DGKB: variants seen among roughly 807,000 people sequenced by gnomAD.
The protein encoded by DGKB is 90 kDa diacylglycerol kinase.
DGKB carries 67 observed loss-of-function variants against 114.3 expected under a neutral mutation model. The ratio of observed to expected loss-of-function variants is 0.59; its 90% CI spans 0.48 to 0.72. DGKB has a LOEUF of 0.72. Among genes scored for constraint, DGKB ranks in the 30% least tolerant of loss-of-function variants. The pLI, the probability that DGKB is intolerant of heterozygous loss-of-function variation, is 0.00. For synonymous variants in DGKB, 398 were observed against 323.1 expected (o/e 1.23, Z -2.49); for missense variants, 907 against 975.2 (o/e 0.93, Z 0.93).
At chr7:14,847,269 C>A (rs1168165689) in intron 1 of DGKB, among the ~76,000 whole-genome samples, 1 of 133,086 alleles carries the variant, frequency 7.5e-6, no homozygotes, top group Non-Finnish European at 1.5e-5. Context: ...CCAGCCTGGG[C>A]GACAGAGCGA....
At chr7:14,757,559 C>T (rs1835067876) in intron 3 of DGKB, 96 bp downstream of exon 3, 1 of 698,702 alleles carries the variant, frequency 1.4e-6, no homozygotes, top group Non-Finnish European at 2.5e-6. Flanking sequence ...TATACATACA[C>T]ACACACACAC....
At chr7:14,588,775 A>C (rs62443559) in intron 17 of DGKB, among the ~76,000 whole-genome samples, 2,961 of 152,200 alleles carry the variant, frequency 0.019, 48 homozygotes, top group Non-Finnish European at 0.028. Flanking sequence ...GACTTTGTCC[A>C]TCTCTGCACT....
At chr7:14,969,163 T>G (rs1428626747) in intron 1 of DGKB, among the ~76,000 whole-genome samples, 16 of 152,320 alleles carry the variant, frequency 1.1e-4, no homozygotes. Flanking sequence ...TCAGTTTTTC[T>G]TAAGATTTCT....
At chr7:14,205,377 T>C (rs6970198) in intron 23 of DGKB, among the ~76,000 whole-genome samples, 71,017 of 151,438 alleles carry the variant, frequency 0.47, 19,426 homozygotes, top group African/African-American at 0.76. Flanking sequence ...ATCAGAATCT[T>C]TCCTATCTCT....
At chr7:14,485,300 G>GGT (rs60976022) in intron 20 of DGKB, among the ~76,000 whole-genome samples, 7,027 of 141,892 alleles carry the variant, frequency 0.05, 271 homozygotes, top group African/African-American at 0.11. Context: ...ATGCTCATGA[G>GGT]GTGTGTGTGT....
chr7:14,729,123 C>CTTTCTTTTTTTTTTTTTTTTTTTT (rs1463141725), intron 5 of DGKB, among the ~76,000 whole-genome samples: 4 of 113,420 alleles, frequency 3.5e-5, no homozygotes, highest in African/African-American at 1.5e-4. Flanking sequence ...CATTTTCTTT[C>CTTTCTTTTTTTTTTTTTTTTTTTT]TTTTTTTTTT....
At chr7:14,965,291 C>A (rs1044390047) in intron 1 of DGKB, among the ~76,000 whole-genome samples, 1 of 151,826 alleles carries the variant, frequency 6.6e-6, no homozygotes, top group Non-Finnish European at 1.5e-5. Flanking sequence ...AATATATTGC[C>A]ATAAGTATAT....
At chr7:14,954,274 G>T (rs1786374045) in intron 1 of DGKB, among the ~76,000 whole-genome samples, 1 of 152,042 alleles carries the variant, frequency 6.6e-6, no homozygotes. Flanking sequence ...TGACCGTTAA[G>T]AACAGTCTCT....
At chr7:14,900,835 C>T (rs1480383585) in intron 1 of DGKB, among the ~76,000 whole-genome samples, 1 of 152,122 alleles carries the variant, frequency 6.6e-6, no homozygotes, top group Admixed American at 6.6e-5. Context: ...AAATTTTTAT[C>T]AGTGCTCTTA....
At chr7:14,527,871 A>G (rs1250448558) in intron 20 of DGKB, among the ~76,000 whole-genome samples, 2 of 152,094 alleles carry the variant, frequency 1.3e-5, no homozygotes, top group Admixed American at 1.3e-4. Flanking sequence ...CAACAACTCA[A>G]TAAAAAGAAA....
intron 20 of DGKB, among the ~76,000 whole-genome samples, chr7:14,566,771 C>G (rs1390134660): frequency 1.3e-5 from 2 of 151,992 alleles, no homozygotes; most frequent in East Asian, 3.9e-4. Context: ...GCACTAAGCT[C>G]TTTCTTACCT....
chr7:14,223,154 G>C (rs1308818065), intron 23 of DGKB, among the ~76,000 whole-genome samples: 2 of 151,590 alleles, frequency 1.3e-5, no homozygotes, highest in African/African-American at 4.8e-5. Flanking sequence ...GATATGGCTG[G>C]ATTCATGTCT....
At chr7:14,795,073 C>T (rs1184336502) in intron 2 of DGKB, among the ~76,000 whole-genome samples, 1 of 152,192 alleles carries the variant, frequency 6.6e-6, no homozygotes, top group Non-Finnish European at 1.5e-5. Flanking sequence ...CAAGTCTCAT[C>T]AGTCTCCTAA....
chr7:14,295,442 T>G (rs1047167173), intron 23 of DGKB, among the ~76,000 whole-genome samples: 2 of 152,178 alleles, frequency 1.3e-5, no homozygotes, highest in Admixed American at 1.3e-4. Flanking sequence ...TGAATTATAA[T>G]TCTCCAAAGC....
intron 5 of DGKB, among the ~76,000 whole-genome samples, chr7:14,734,550 A>C (rs955034650): frequency 3.3e-5 from 5 of 152,242 alleles, no homozygotes; most frequent in Admixed American, 6.5e-5. Flanking sequence ...CATATGATCC[A>C]GTAACAGAAA....
At chr7:14,440,657 C>G (rs1377637350) in intron 21 of DGKB, among the ~76,000 whole-genome samples, 1 of 152,170 alleles carries the variant, frequency 6.6e-6, no homozygotes, top group Non-Finnish European at 1.5e-5. Flanking sequence ...GTTGATAGTA[C>G]AGTAGGTGGC....
intron 14 of DGKB, among the ~76,000 whole-genome samples, chr7:14,622,694 AT>A (rs1807878149): frequency 6.6e-6 from 1 of 152,090 alleles, no homozygotes; most frequent in East Asian, 1.9e-4. Context: ...CTAATGAATC[AT>A]TCTACTTCCA....
intron 20 of DGKB, among the ~76,000 whole-genome samples, chr7:14,557,397 G>A (rs1270994377): frequency 3.3e-5 from 5 of 151,890 alleles, no homozygotes; most frequent in Admixed American, 2.6e-4. Context: ...ATTTGTGCCG[G>A]TCTATGTGTA....
chr7:14,518,229 C>T (rs1789165906), intron 20 of DGKB, among the ~76,000 whole-genome samples: 1 of 152,046 alleles, frequency 6.6e-6, no homozygotes, highest in Admixed American at 6.6e-5. Context: ...CAAAATAATG[C>T]TTGTTTTCAC....
Sources: allele counts gnomAD v4.1 joint callset (sites outside exome capture counted in the v4.1 genomes callset), GRCh38; gene constraint gnomAD v4.1.1; transcripts MANE v1.5; gene names NCBI Gene and HGNC (gene_info 2026-07-23, HGNC 2026-07-21).